KATNIP: variants seen among roughly 807,000 people sequenced by gnomAD.
KATNIP encodes katanin interacting protein, also known as katanin-interacting protein.
Under a neutral mutation model 174.0 loss-of-function variants are expected in KATNIP, and 126 were observed. The observed-to-expected ratio is 0.72, with a 90% confidence interval of 0.63 to 0.84. KATNIP has a LOEUF of 0.84. Among genes scored for constraint, KATNIP ranks in the 40% least tolerant of loss-of-function variants. The pLI is 0.00. For missense variants in KATNIP, 1,958 were observed against 2,109.7 expected, an observed-to-expected ratio of 0.93 and a Z score of 1.41; for synonymous variants, 810 against 835.7, an observed-to-expected ratio of 0.97 and a Z score of 0.53.
At chr16:27,608,104 G>A (rs1049488082) in intron 2 of KATNIP, among the ~76,000 whole-genome samples, 1 of 152,064 alleles carries the variant, frequency 6.6e-6, no homozygotes, top group Non-Finnish European at 1.5e-5. Flanking sequence ...TGGCCTCAGA[G>A]GAATACGTGA....
intron 8 of KATNIP, among the ~76,000 whole-genome samples, chr16:27,688,651 G>T (rs1309782255): frequency 6.6e-6 from 1 of 152,224 alleles, no homozygotes; most frequent in Non-Finnish European, 1.5e-5. Context: ...CTGCTTCAGT[G>T]TGTCTGAGGT....
At chr16:27,609,014 C>T (rs771371427) in intron 2 of KATNIP, among the ~76,000 whole-genome samples, 3 of 152,146 alleles carry the variant, frequency 2.0e-5, no homozygotes, top group Non-Finnish European at 4.4e-5. Context: ...CATGTTTCTT[C>T]ACACCCCCAA....
At chr16:27,749,366 T>G (rs1051232735) in intron 15 of KATNIP, among the ~76,000 whole-genome samples, 1 of 152,146 alleles carries the variant, frequency 6.6e-6, no homozygotes, top group Non-Finnish European at 1.5e-5. Flanking sequence ...AGGGCCCCCA[T>G]GCAGTGCAGG....
intron 19 of KATNIP, among the ~76,000 whole-genome samples, chr16:27,765,189 A>G (rs985333928): frequency 1.3e-5 from 2 of 152,100 alleles, no homozygotes; most frequent in African/African-American, 2.4e-5. Context: ...CCTTTTTTCC[A>G]GGACCAGGCT....
chr16:27,760,509 G>C (rs925605328), intron 18 of KATNIP, among the ~76,000 whole-genome samples: 1 of 152,132 alleles, frequency 6.6e-6, no homozygotes, highest in African/African-American at 2.4e-5. Flanking sequence ...AAAGGATGGC[G>C]GTATCACCCT....
At position 27,683,417 on chromosome 16, in the gene KATNIP, C is replaced by T. The variant is rs199686969; in HGVS notation, c.940+1887C>T. Among the ~76,000 whole-genome samples, 20 of 152,282 alleles carry T rather than the reference C, an allele frequency of 1.3e-4. No individual in the cohort carries two copies. The East Asian group carries it at 1.7e-3, about 13-fold the overall frequency. On this transcript the variant is annotated intron_variant, in intron 8 of 27. Coordinates refer to ENST00000261588, the MANE Select transcript of KATNIP (RefSeq NM_015202.5). The stretch of plus-strand genomic sequence containing the variant: ...GGAGCCAGACTCCAGTGGGGCAGAG[C>T]TATCCCCAAACTGGTTCCTGGGGAC...
intron 19 of KATNIP, among the ~76,000 whole-genome samples, chr16:27,762,218 G>T (rs1032614441): frequency 6.6e-6 from 1 of 152,220 alleles, no homozygotes. Flanking sequence ...TGAACTAGGG[G>T]AGTCAGAGGG....
At chr16:27,673,477 A>G (rs1449508983) in intron 6 of KATNIP, among the ~76,000 whole-genome samples, 1 of 152,048 alleles carries the variant, frequency 6.6e-6, no homozygotes. Flanking sequence ...AGCTCAATAC[A>G]CTCAATTAGG....
intron 8 of KATNIP, among the ~76,000 whole-genome samples, chr16:27,690,887 G>A (rs1210284917): frequency 6.6e-6 from 1 of 152,148 alleles, no homozygotes; most frequent in Non-Finnish European, 1.5e-5. Flanking sequence ...TTCCAGGGTT[G>A]CCAGATGGTA....
chr16:27,550,535 C>T (rs1288339599), intron 1 of KATNIP, among the ~76,000 whole-genome samples: 1 of 152,024 alleles, frequency 6.6e-6, no homozygotes, highest in African/African-American at 2.4e-5. Context: ...CAAGCTTGAT[C>T]GTGGGAGTGC....
intron 2 of KATNIP, among the ~76,000 whole-genome samples, chr16:27,586,297 T>C (rs2090895119): frequency 6.6e-6 from 1 of 151,868 alleles, no homozygotes; most frequent in Non-Finnish European, 1.5e-5. Flanking sequence ...AAAAATAAAT[T>C]AAGAATTTCT....
At chr16:27,640,647 A>G (rs1038314797) in intron 5 of KATNIP, among the ~76,000 whole-genome samples, 1 of 141,984 alleles carries the variant, frequency 7.0e-6, no homozygotes, top group Non-Finnish European at 1.5e-5. Context: ...GTGCTGTGTG[A>G]CCTCCTTGAG....
chr16:27,674,422 G>A (rs563093345), intron 6 of KATNIP, among the ~76,000 whole-genome samples: 4 of 152,216 alleles, frequency 2.6e-5, no homozygotes, highest in Non-Finnish European at 5.9e-5. Context: ...CTGGAGGCTC[G>A]AGAGGAAAGC....
intron 5 of KATNIP, among the ~76,000 whole-genome samples, chr16:27,641,270 G>A (rs368313178): frequency 1.6e-4 from 24 of 152,186 alleles, no homozygotes; most frequent in African/African-American, 3.6e-4. Context: ...GTTCAGGCAC[G>A]TTTGGGTCCA....
At chr16:27,609,837 A>C (rs1343978236) in intron 2 of KATNIP, among the ~76,000 whole-genome samples, 1 of 151,946 alleles carries the variant, frequency 6.6e-6, no homozygotes, top group Non-Finnish European at 1.5e-5. Context: ...GATTACAAGC[A>C]TGCGCCACCA....
chr16:27,599,559 C>T (rs2141927064), intron 2 of KATNIP, among the ~76,000 whole-genome samples: 1 of 152,302 alleles, frequency 6.6e-6, no homozygotes, highest in East Asian at 1.9e-4. Context: ...TATAGACCCT[C>T]TCCCTTGTCT....
intron 5 of KATNIP, chr16:27,632,587 G>T (rs1469800592): frequency 4.4e-6 from 2 of 456,406 alleles, no homozygotes; most frequent in Non-Finnish European, 8.8e-6. Flanking sequence ...CTATAGAGGG[G>T]TCAGAACCAC....
intron 8 of KATNIP, among the ~76,000 whole-genome samples, chr16:27,683,713 G>A (rs1207587800): frequency 6.6e-6 from 1 of 152,128 alleles, no homozygotes; most frequent in East Asian, 1.9e-4. Flanking sequence ...AGGAGGTATG[G>A]GGCGAGATAA....
At chr16:27,612,002 A>T (rs1432676783) in intron 2 of KATNIP, among the ~76,000 whole-genome samples, 1 of 152,088 alleles carries the variant, frequency 6.6e-6, no homozygotes, top group Non-Finnish European at 1.5e-5. Context: ...CGGAGGCTAG[A>T]GGGGGCTGAG....
Sources: gnomAD v4.1 joint callset for allele counts (sites outside exome capture counted in the v4.1 genomes callset) on GRCh38, gnomAD v4.1.1 for gene constraint, MANE v1.5 for transcripts, NCBI Gene and HGNC (gene_info 2026-07-23, HGNC 2026-07-21) for gene names.